Variants in TENM4 observed in about 807,000 individuals in gnomAD.
The protein encoded by TENM4 is teneurin-4.
In TENM4, 82 loss-of-function variants were observed where a neutral mutation model predicts 243.3. That is an observed-to-expected ratio of 0.34 (90% CI 0.28 to 0.40). The LOEUF is 0.40. Among genes scored for constraint, TENM4 ranks in the 10% least tolerant of loss-of-function variants. The pLI is 1.00. For missense variants in TENM4, 3,138 were observed against 3,673.3 expected (o/e 0.85, Z 3.77); for synonymous variants, 1,412 against 1,456.3 (o/e 0.97, Z 0.69).
intron 4 of TENM4, among the ~76,000 whole-genome samples, chr11:79,082,589 A>ATG (rs959711171): frequency 1.3e-5 from 2 of 152,098 alleles, no homozygotes; most frequent in African/African-American, 4.8e-5. Flanking sequence ...GTGTGCACCC[A>ATG]TGTGTGCACA....
intron 30 of TENM4, among the ~76,000 whole-genome samples, chr11:78,674,565 G>A (rs573082300): frequency 5.8e-4 from 88 of 152,334 alleles, no homozygotes; most frequent in African/African-American, 2.0e-3. Flanking sequence ...GCTCAGAGGA[G>A]CTGCTCAAGG....
chr11:78,756,875 C>A lies in TENM4; in HGVS notation c.2686G>T (p.Asp896Tyr). Residue 896 changes from aspartate (D) to tyrosine (Y), a missense_variant, in exon 19 of 34, where the codon GAC (aspartate) becomes TAC (tyrosine). Asp to Tyr is a radical substitution (Grantham distance 160). Coordinates refer to ENST00000278550, the MANE Select transcript of TENM4 (RefSeq NM_001098816.3). ...VSQQNLHSFY[D>Y]RIKFLVGRDS... ...CTGCCCACGAGGAACTTGATGCGGT[C>A]ATAGAAGGAGTGTAGGTTCTGCTGT... The A allele has an allele frequency of 6.2e-7, 1 of 1,613,890 alleles. No homozygotes were observed. Among genetic ancestry groups the A allele is most frequent in the South Asian group, 1.1e-5 (1 of 91,044 alleles).
In TENM4 at chr11:79,024,638, T is replaced by C. The variant is rs1350102415; in HGVS notation, c.493+40100A>G. 2.0e-5 allele frequency among the ~76,000 whole-genome samples: 3 copies of C among 152,230 alleles called. No individual in the cohort carries two copies. The East Asian group carries it at 5.8e-4, about 29-fold the overall frequency. ...AAGAAGGTGAGTGGATTGAGAGTAT[T>C]GCTTCTTTTGCATCCTCCATAGACT... On this transcript the variant is annotated intron_variant, in intron 6 of 33. Transcript: ENST00000278550.
At chr11:79,403,660 T>C (rs1359442714) in intron 1 of TENM4, among the ~76,000 whole-genome samples, 1 of 151,932 alleles carries the variant, frequency 6.6e-6, no homozygotes, top group Non-Finnish European at 1.5e-5. Flanking sequence ...ATTCTCCCAT[T>C]CCTCCCACCC....
At chr11:78,757,430 C>T (rs1366288045) in intron 18 of TENM4, among the ~76,000 whole-genome samples, 1 of 152,176 alleles carries the variant, frequency 6.6e-6, no homozygotes, top group Non-Finnish European at 1.5e-5. Flanking sequence ...GCCTTGCAGG[C>T]CAAGTTAGGG....
intron 2 of TENM4, among the ~76,000 whole-genome samples, chr11:79,273,347 G>A (rs189936984): frequency 1.7e-3 from 266 of 152,252 alleles, no homozygotes; most frequent in African/African-American, 6.2e-3. Context: ...TTCTCCCCTC[G>A]TCTTTCTCCC....
At chr11:79,064,164 A>G (rs1263866286) in intron 6 of TENM4, among the ~76,000 whole-genome samples, 1 of 152,192 alleles carries the variant, frequency 6.6e-6, no homozygotes, top group Admixed American at 6.5e-5. Context: ...TATTAACTAT[A>G]GTCACCATGC....
chr11:79,321,341 A>G (rs1856884985), intron 1 of TENM4, among the ~76,000 whole-genome samples: 1 of 152,144 alleles, frequency 6.6e-6, no homozygotes, highest in Admixed American at 6.5e-5. Context: ...AGGCAAATAA[A>G]CAGCCTCAAA....
intron 1 of TENM4, among the ~76,000 whole-genome samples, chr11:79,298,694 C>CA (rs912266475): frequency 2.0e-5 from 3 of 152,140 alleles, no homozygotes; most frequent in Non-Finnish European, 4.4e-5. Flanking sequence ...GATATGATTT[C>CA]ATGATCCTTA....
chr11:78,770,895 G>C (rs1289226005), intron 18 of TENM4, 97 bp downstream of exon 18: 8 of 1,475,770 alleles, frequency 5.4e-6, no homozygotes, highest in South Asian at 1.3e-5. Context: ...TGGATGACTG[G>C]TGTGTTGGTG....
At chr11:79,168,343 C>T (rs1157812241) in intron 3 of TENM4, among the ~76,000 whole-genome samples, 1 of 152,086 alleles carries the variant, frequency 6.6e-6, no homozygotes, top group Non-Finnish European at 1.5e-5. Flanking sequence ...CACAGGAAAG[C>T]AGAGAGGGTT....
At chr11:79,375,261 A>G (rs1186453207) in intron 1 of TENM4, among the ~76,000 whole-genome samples, 1 of 152,190 alleles carries the variant, frequency 6.6e-6, no homozygotes, top group Non-Finnish European at 1.5e-5. Flanking sequence ...CCTCATTGAT[A>G]CTTTATTTTT....
At chr11:79,361,841 G>A (rs888766817) in intron 1 of TENM4, among the ~76,000 whole-genome samples, 1 of 152,142 alleles carries the variant, frequency 6.6e-6, no homozygotes, top group South Asian at 2.1e-4. Context: ...TCAATAGGAG[G>A]AAAGAATAGA....
At chr11:79,323,882 T>TACACACAC (rs35628974) in intron 1 of TENM4, among the ~76,000 whole-genome samples, 2 of 150,016 alleles carry the variant, frequency 1.3e-5, no homozygotes, top group African/African-American at 2.4e-5. Flanking sequence ...TCCATCCCTA[T>TACACACAC]ACACACACAC....
chr11:78,712,960 C>CA (rs2135806447), intron 25 of TENM4, among the ~76,000 whole-genome samples: 1 of 152,192 alleles, frequency 6.6e-6, no homozygotes, highest in South Asian at 2.1e-4. Flanking sequence ...ACTATTCTTG[C>CA]AAAAACCCCT....
chr11:79,328,787 C>T (rs1267817948), intron 1 of TENM4, among the ~76,000 whole-genome samples: 4 of 151,304 alleles, frequency 2.6e-5, no homozygotes, highest in Non-Finnish European at 4.4e-5. Context: ...GTTAAGCATG[C>T]ATATATATAT....
intron 1 of TENM4, among the ~76,000 whole-genome samples, chr11:79,380,548 A>G (rs1163243797): frequency 1.3e-5 from 2 of 152,226 alleles, no homozygotes; most frequent in Admixed American, 1.3e-4. Context: ...TTAACAAAGC[A>G]AAGATTCCTT....
At chr11:79,085,334 G>T (rs1306725224) in intron 4 of TENM4, among the ~76,000 whole-genome samples, 9 of 147,692 alleles carry the variant, frequency 6.1e-5, no homozygotes, top group Non-Finnish European at 1.3e-4. Flanking sequence ...CTGAGATCGC[G>T]CCACTGCACT....
chr11:78,714,142 G>A (rs1454832632), intron 25 of TENM4, among the ~76,000 whole-genome samples: 1 of 152,190 alleles, frequency 6.6e-6, no homozygotes, highest in African/African-American at 2.4e-5. Context: ...CAAGATGAAA[G>A]CAAGAGAATT....
Sources: allele counts gnomAD v4.1 joint callset (sites outside exome capture counted in the v4.1 genomes callset), GRCh38; gene constraint gnomAD v4.1.1; transcripts MANE v1.5; gene names NCBI Gene and HGNC (gene_info 2026-07-23, HGNC 2026-07-21).